Variants in CHID1 observed in about 807,000 individuals in gnomAD.
The protein encoded by CHID1 is chitinase domain containing 1.
In CHID1, 44 loss-of-function variants were observed where a neutral mutation model predicts 55.4. The observed-to-expected ratio is 0.79, with a 90% CI of 0.62 to 1.02. CHID1 has a LOEUF of 1.02. CHID1 is among the 50% of genes least tolerant of loss of function. The pLI, the probability that CHID1 is intolerant of heterozygous loss-of-function variation, is 0.00. For synonymous variants in CHID1, 216 were observed against 212.9 expected, an observed-to-expected ratio of 1.01 and a Z score of -0.13; for missense variants, 491 against 515.3, an observed-to-expected ratio of 0.95 and a Z score of 0.46.
At chr11:876,731 C>G (rs1849545641) in intron 10 of CHID1, among the ~76,000 whole-genome samples, 1 of 152,234 alleles carries the variant, frequency 6.6e-6, no homozygotes, top group Admixed American at 6.5e-5. Context: ...TGAGGATGCA[C>G]GTGTGAGCGA....
chr11:881,673 G>C (rs1849942044), intron 10 of CHID1, among the ~76,000 whole-genome samples: 1 of 151,548 alleles, frequency 6.6e-6, no homozygotes. Context: ...GTCGGGCTCA[G>C]GATGGATGGG....
At chr11:903,736 G>C in intron 2 of CHID1, 1 of 219,054 alleles carries the variant, frequency 4.6e-6, no homozygotes, top group South Asian at 4.6e-5. Context: ...AGCCAAGATC[G>C]CGCCATTGCG....
In CHID1 at chr11:881,656, T is replaced by G. The variant is rs7121430; in HGVS notation, c.959+1492A>C. 1.6e-3 allele frequency among the ~76,000 whole-genome samples: 40 copies of G among 24,490 alleles called. 4 individuals are homozygous for G. Among genetic ancestry groups the G allele is most frequent in the Middle Eastern group, 0.033 (1 of 30 alleles). The allele number at this position is 24,490 out of a possible 152,430, so 16.1% of individuals were successfully genotyped here. On this transcript the variant is annotated intron_variant, in intron 10 of 12. Transcript: ENST00000323578. ...GCGGTAGGTTGGGTGGTGAGAGAAA[T>G]GACCACGTCGGGCTCAGGATGGATG...
At chr11:910,839 G>A, upstream of CHID1, 1 of 1,091,114 alleles carries the variant, frequency 9.2e-7, no homozygotes, top group Middle Eastern at 4.3e-4. Context: ...CGCGCCGGAA[G>A]TCCCGCCCCA....
rs751831737 is a variant in CHID1 at position 884,061 on chromosome 11, C to A, written c.803+7G>T. ...TGTGCCCAGGAGCCCCCCAAGCCCA[C>A]ACTCACTGATGCGCTGTAGAGTAGT... On this transcript the variant is annotated splice_region_variant and intron_variant, in intron 9 of 12. Coordinates refer to ENST00000323578, the MANE Select transcript of CHID1 (RefSeq NM_023947.4). 1 of 1,611,302 alleles carries A rather than the reference C, an allele frequency of 6.2e-7. No individual in the cohort carries two copies. Among genetic ancestry groups the A allele is most frequent in the Non-Finnish European group, 8.5e-7 (1 of 1,177,428 alleles).
At chr11:873,619 C>T (rs1321578474) in intron 10 of CHID1, among the ~76,000 whole-genome samples, 1 of 152,050 alleles carries the variant, frequency 6.6e-6, no homozygotes, top group East Asian at 1.9e-4. Flanking sequence ...GGAATAAGGA[C>T]TCAATGAACA....
chr11:883,392 TC>T (rs2134177434), intron 9 of CHID1, 89 bp from the exon 10 acceptor site: 1 of 1,329,274 alleles, frequency 7.5e-7, no homozygotes, highest in Non-Finnish European at 1.0e-6. Flanking sequence ...GGGTGCATCC[TC>T]CCCATGCTGC....
At chr11:884,226 C>G in intron 8 of CHID1, 57 bp from the exon 9 acceptor site, 1 of 1,425,356 alleles carries the variant, frequency 7.0e-7, no homozygotes, top group Non-Finnish European at 9.8e-7. Flanking sequence ...AAGCCCCTCC[C>G]CAGCTGCGGT....
At chr11:893,548 G>A in intron 7 of CHID1, 29 bp from the exon 8 acceptor site, 3 of 1,518,962 alleles carry the variant, frequency 2.0e-6, no homozygotes, top group Non-Finnish European at 2.7e-6. Flanking sequence ...GGGGTCAGCA[G>A]TGCCTGGCAC....
chr11:872,649 C>T (rs1349314604), intron 10 of CHID1, among the ~76,000 whole-genome samples: 2 of 152,236 alleles, frequency 1.3e-5, no homozygotes, highest in Non-Finnish European at 2.9e-5. Flanking sequence ...AGCCACAACC[C>T]CATCAGACAG....
chr11:899,341 C>T lies in CHID1; in HGVS notation c.607G>A (p.Val203Met), dbSNP rs374093920. The T allele has an allele frequency of 5.7e-5, 92 of 1,600,128 alleles. No homozygotes were observed. Among genetic ancestry groups the T allele is most frequent in the South Asian group, 4.6e-4 (41 of 88,342 alleles). ...CCACCACCACCTGTGCCCACTCACA[C>T]GCGCTTCTGGCTTAGCAGCTGGTTC... Reference protein sequence around the residue: ...VWNQLLSQKRVGLIHMLTHLA... With the variant: ...VWNQLLSQKRMGLIHMLTHLA... The change falls in exon 7 of 13, where the codon GTG (valine) becomes ATG (methionine). Residue 203 changes from valine to methionine, a missense_variant and splice_region_variant. Val to Met is a conservative substitution (Grantham distance 21). Transcript: ENST00000323578.
rs1849474827 is a variant in CHID1 at position 875,842 on chromosome 11, C to T, written c.960-5343G>A. 6.6e-6 allele frequency among the ~76,000 whole-genome samples: 1 copy of T among 152,138 alleles called. No homozygotes were observed. The highest frequency in any genetic ancestry group is 2.1e-4 in the South Asian group (1 of 4,820). ...GCTGCTGCCGGCCTCCCAGACGTCC[C>T]CTGGCGGGTGACAGACAGGATGAAG... On this transcript the variant is annotated intron_variant, in intron 10 of 12. Coordinates refer to ENST00000323578, the MANE Select transcript of CHID1 (RefSeq NM_023947.4). The surrounding 1 kb of genome is among the most constrained non-coding windows in gnomAD (Gnocchi z 4.7).
At chr11:883,096 C>T in intron 10 of CHID1, 52 bp downstream of exon 10, 1 of 1,570,064 alleles carries the variant, frequency 6.4e-7, no homozygotes, top group Non-Finnish European at 8.7e-7. Context: ...ACACCCACAC[C>T]CACCCGCGCC....
At chr11:913,237 A>C (rs1385661633), upstream of CHID1, among the ~76,000 whole-genome samples, 2 of 151,458 alleles carry the variant, frequency 1.3e-5, no homozygotes. Context: ...TGCAGCCTCC[A>C]CTTCCTGGGC....
intron 10 of CHID1, among the ~76,000 whole-genome samples, chr11:871,238 G>A (rs28578855): frequency 0.99 from 150,572 of 152,162 alleles, 74,522 homozygotes; most frequent in Middle Eastern, 1. Context: ...TGATCTGTCC[G>A]CCTTGGCCTC....
At chr11:883,619 G>A (rs1284431276) in intron 9 of CHID1, among the ~76,000 whole-genome samples, 1 of 152,218 alleles carries the variant, frequency 6.6e-6, no homozygotes, top group African/African-American at 2.4e-5. Flanking sequence ...CACACCCAGG[G>A]CCAGGCACTC....
intron 8 of CHID1, among the ~76,000 whole-genome samples, chr11:888,562 G>A (rs932058125): frequency 1.3e-5 from 2 of 152,360 alleles, no homozygotes; most frequent in Admixed American, 6.5e-5. Context: ...TAGACGCAGC[G>A]TGACTTCCGA....
chr11:910,737 A>AAGG, intron 1 of CHID1, 38 bp downstream of exon 1: 2 of 1,229,390 alleles, frequency 1.6e-6, no homozygotes, highest in Non-Finnish European at 2.1e-6. Context: ...GAGGCCGTGC[A>AAGG]AGGAGGAGGA....
intron 10 of CHID1, among the ~76,000 whole-genome samples, chr11:871,327 T>C (rs1849162136): frequency 6.6e-6 from 1 of 152,084 alleles, no homozygotes; most frequent in Admixed American, 6.6e-5. Flanking sequence ...GCCTCAGTCT[T>C]GAACAATGAC....
Sources: gnomAD v4.1 joint callset for allele counts (sites outside exome capture counted in the v4.1 genomes callset) on GRCh38, gnomAD v4.1.1 for gene constraint, Gnocchi (gnomAD v3.1) non-coding constraint, MANE v1.5 for transcripts, NCBI Gene and HGNC (gene_info 2026-07-23, HGNC 2026-07-21) for gene names.